LPA: variants seen among roughly 807,000 people sequenced by gnomAD.
The protein encoded by LPA is apolipoprotein(a).
LPA carries 199 observed loss-of-function variants against 197.9 expected under a neutral mutation model. The ratio of observed to expected loss-of-function variants is 1.01; its 90% confidence interval spans 0.90 to 1.13. LPA has a LOEUF of 1.13. Among genes scored for constraint, LPA ranks in the 50% most tolerant of loss-of-function variants. The pLI is 0.00. For synonymous variants in LPA, 715 were observed against 639.5 expected, an observed-to-expected ratio of 1.12 and a Z score of -1.78; for missense variants, 1,853 against 1,785.8, an observed-to-expected ratio of 1.04 and a Z score of -0.68.
In LPA at chr6:160,556,109, G is replaced by A; in HGVS notation, c.4889C>T (p.Thr1630Ile). ...NGQSYRGTFS[T>I]TVTGRTCQSW... ...TTGACATGTCCTTCCTGTGACAGTG[G>A]TGGAGAATGTGCCTCGATAACTCTG... is the stretch of plus-strand genomic sequence containing the variant. The change falls in exon 30 of 39, where the codon ACC (threonine) becomes ATC (isoleucine). Residue 1630 changes from threonine to isoleucine, a missense_variant. Around this residue, in one of 3 missense-constraint regions of LPA, gnomAD observed 1,737 missense variants for 1,504.4 expected, o/e 1.15. Coordinates refer to ENST00000316300, the MANE Select transcript of LPA (RefSeq NM_005577.4). 1.9e-6 allele frequency: 3 copies of A among 1,614,020 alleles called. No homozygotes were observed. Among genetic ancestry groups the A allele is most frequent in the Non-Finnish European group, 2.5e-6 (3 of 1,179,990 alleles).
chr6:160,572,573 T>C (rs1583587592), intron 28 of LPA, among the ~76,000 whole-genome samples: 1 of 152,220 alleles, frequency 6.6e-6, no homozygotes, highest in Non-Finnish European at 1.5e-5. Flanking sequence ...TTAGAGCTCC[T>C]TTTAGCAGTT....
At chr6:160,615,354 G>T (rs1357957808) in intron 14 of LPA, among the ~76,000 whole-genome samples, 1 of 115,064 alleles carries the variant, frequency 8.7e-6, no homozygotes, top group African/African-American at 3.1e-5. Flanking sequence ...TTTTCAGTTT[G>T]TGTGTGTGTG....
At position 160,586,433 on chromosome 6, in the gene LPA, A is replaced by G. The variant is rs1441328821; in HGVS notation, c.4129+16T>C. ...CAATGTCCGAGGGTATGGTTGTCTG[A>G]CTGCAGGCTTCTTACCTTCTTCAGA... On this transcript the variant is annotated intron_variant, in intron 25 of 38. Coordinates refer to ENST00000316300, the MANE Select transcript of LPA (RefSeq NM_005577.4). 6.2e-7 allele frequency: 1 copy of G among 1,613,092 alleles called. No homozygotes were observed. The highest frequency in any genetic ancestry group is 1.1e-5 in the South Asian group (1 of 91,074).
At chr6:160,572,363 G>T (rs1778578609) in intron 28 of LPA, among the ~76,000 whole-genome samples, 1 of 152,160 alleles carries the variant, frequency 6.6e-6, no homozygotes, top group Non-Finnish European at 1.5e-5. Context: ...CCTTTAAGTG[G>T]AGCATTTAGG....
At chr6:160,663,660 C>A (rs938795740) in intron 1 of LPA, among the ~76,000 whole-genome samples, 5 of 152,168 alleles carry the variant, frequency 3.3e-5, no homozygotes, top group African/African-American at 1.2e-4. Context: ...GGATAAGAAG[C>A]AAATGTATAC....
At chr6:160,602,527 T>C (rs546459439) in intron 18 of LPA, among the ~76,000 whole-genome samples, 15 of 152,316 alleles carry the variant, frequency 9.8e-5, no homozygotes, top group African/African-American at 3.6e-4. Flanking sequence ...GATATAGAAA[T>C]TTGATCAAGA....
intron 1 of LPA, among the ~76,000 whole-genome samples, chr6:160,663,665 G>C (rs1301265834): frequency 6.6e-6 from 1 of 152,246 alleles, no homozygotes; most frequent in Non-Finnish European, 1.5e-5. Context: ...AGAAGCAAAT[G>C]TATACCGATG....
At chr6:160,611,488 G>A in intron 16 of LPA, 74 bp downstream of exon 16, 1 of 1,585,972 alleles carries the variant, frequency 6.3e-7, no homozygotes, top group South Asian at 1.1e-5. Context: ...GGAGAACTCA[G>A]CTTGAAGCAT....
At position 160,603,259 on chromosome 6, in the gene LPA, T is replaced by TGTGTGTGTGTGTGC. The variant is rs952043659; in HGVS notation, c.2945+1786_2945+1787insGCACACACACACAC. ...GTGTGTGTGTGTGTGTGTGTGTGTG[T>TGTGTGTGTGTGTGC]GCGTGCATGTTTCTAAGCCTGTGCA... On this transcript the variant is annotated intron_variant, in intron 18 of 38. Transcript: ENST00000316300. 5.2e-3 allele frequency among the ~76,000 whole-genome samples: 786 copies of TGTGTGTGTGTGTGC among 151,538 alleles called. 6 individuals carry two copies. Among genetic ancestry groups the TGTGTGTGTGTGTGC allele is most frequent in the Non-Finnish European group, 8.8e-3 (600 of 67,850 alleles).
intron 28 of LPA, among the ~76,000 whole-genome samples, chr6:160,559,834 A>G (rs1778332003): frequency 6.6e-6 from 1 of 152,172 alleles, no homozygotes; most frequent in Non-Finnish European, 1.5e-5. Context: ...ATACATGTGT[A>G]GAATGTGTGG....
intron 18 of LPA, among the ~76,000 whole-genome samples, chr6:160,604,764 G>T (rs1779311301): frequency 6.6e-6 from 1 of 152,104 alleles, no homozygotes; most frequent in Non-Finnish European, 1.5e-5. Context: ...TTGTGGAAGG[G>T]TACTCTAAGA....
intron 34 of LPA, among the ~76,000 whole-genome samples, chr6:160,542,198 T>C (rs11751605): frequency 0.09 from 13,745 of 152,266 alleles, 969 homozygotes; most frequent in Non-Finnish European, 0.15. Flanking sequence ...CAACCCATAA[T>C]TTGTTCATGT....
chr6:160,653,865 T>C (rs1485952858), intron 1 of LPA, among the ~76,000 whole-genome samples: 2 of 119,376 alleles, frequency 1.7e-5, no homozygotes, highest in Non-Finnish European at 3.5e-5. Flanking sequence ...TACAAATCAA[T>C]AAATGAGATT....
chr6:160,587,793 G>C (rs753253499), intron 24 of LPA, among the ~76,000 whole-genome samples: 1,651 of 128,460 alleles, frequency 0.013, 42 homozygotes, highest in African/African-American at 0.043. Flanking sequence ...GTGTGTGTGT[G>C]TGTGTGTTTC....
chr6:160,602,168 C>G (rs2115056234), intron 18 of LPA, among the ~76,000 whole-genome samples: 1 of 152,298 alleles, frequency 6.6e-6, no homozygotes, highest in South Asian at 2.1e-4. Flanking sequence ...TTCCAGGAAG[C>G]TGGTTCAATG....
At chr6:160,543,537 CA>C (rs1778018025) in intron 33 of LPA, among the ~76,000 whole-genome samples, 1 of 152,184 alleles carries the variant, frequency 6.6e-6, no homozygotes, top group Non-Finnish European at 1.5e-5. Flanking sequence ...CTGAGTTTTC[CA>C]AATAACTTTT....
chr6:160,646,765 T>C lies in LPA; in HGVS notation c.210-370A>G, dbSNP rs1192863472. On this transcript the variant is annotated intron_variant, in intron 2 of 38. Coordinates refer to ENST00000316300, the MANE Select transcript of LPA (RefSeq NM_005577.4). ...TTTTGACGTCTGTATTGTGGGATTG[T>C]GTATTCACATGCAAATGCATCTGTA... 3.4e-5 allele frequency among the ~76,000 whole-genome samples: 5 copies of C among 145,622 alleles called. No individual in the cohort carries two copies. In the East Asian group the frequency reaches 1.0e-3, roughly 30 times the overall value.
chr6:160,586,765 A>G lies in LPA; in HGVS notation c.3948-135T>C, dbSNP rs7752727. The stretch of plus-strand genomic sequence containing the variant: ...TTCTCACTAAAGTCCCATAACACTC[A>G]CAAATGGTCCTCAACTTCTAAACAA... On this transcript the variant is annotated intron_variant, in intron 24 of 38. Transcript: ENST00000316300. The G allele has an allele frequency of 9.4e-3, 11,221 of 1,198,148 alleles. 627 individuals carry two copies. The African/African-American group carries it at 0.13, about 14-fold the overall frequency. 74.2% of individuals were successfully genotyped at this position (1,198,148 alleles called of 1,614,324 possible).
At chr6:160,577,105 G>C in intron 28 of LPA, 31 bp downstream of exon 28, 1 of 1,610,764 alleles carries the variant, frequency 6.2e-7, no homozygotes. Flanking sequence ...GTTGGCTGTT[G>C]CTCCTCTTAT....
Sources: allele counts gnomAD v4.1 joint callset (sites outside exome capture counted in the v4.1 genomes callset), GRCh38; gene constraint gnomAD v4.1.1; regional missense constraint gnomAD v4.1.1; transcripts MANE v1.5; gene names NCBI Gene and HGNC (gene_info 2026-07-23, HGNC 2026-07-21).